The following SYNE2 variants were observed in gnomAD, a reference collection of about 807,000 sequenced individuals.
The protein encoded by SYNE2 is nesprin-2.
A neutral mutation model predicts 856.3 loss-of-function variants in SYNE2; 431 were observed. The ratio of observed to expected loss-of-function variants is 0.50; its 90% CI spans 0.47 to 0.55. The LOEUF is 0.55. Ranked by LOEUF, SYNE2 falls within the 20% of genes least tolerant of loss-of-function variation. SYNE2 has a pLI of 0.00. For missense variants in SYNE2, 8,129 were observed against 8,023.2 expected, an observed-to-expected ratio of 1.01 and a Z score of -0.50; for synonymous variants, 2,923 against 2,872.3, an observed-to-expected ratio of 1.02 and a Z score of -0.56.
At chr14:63,948,446 A>G (rs1291074094) in intron 6 of SYNE2, among the ~76,000 whole-genome samples, 1 of 151,688 alleles carries the variant, frequency 6.6e-6, no homozygotes, top group Non-Finnish European at 1.5e-5. Flanking sequence ...GGCAGATCAC[A>G]AGGTGAGGAG....
chr14:64,159,997 C>T lies in SYNE2; in HGVS notation c.16094+555C>T, dbSNP rs183373100. Among the ~76,000 whole-genome samples the T allele has an allele frequency of 7.9e-5, 12 of 152,200 alleles. No individual in the cohort carries two copies. In the East Asian group the frequency reaches 2.3e-3, roughly 29 times the overall value. On this transcript the variant is annotated intron_variant, in intron 87 of 115. Coordinates refer to ENST00000555002, the MANE Select transcript of SYNE2 (RefSeq NM_182914.3). ...TGGGATATAAAAGTTGGCCTCCAAC[C>T]AATTGATTAGAGATAGGGATGAAGA...
intron 1 of SYNE2, among the ~76,000 whole-genome samples, chr14:63,775,655 A>G (rs936758798): frequency 2.0e-5 from 3 of 152,096 alleles, no homozygotes; most frequent in African/African-American, 7.2e-5. Flanking sequence ...ACCACGGCTC[A>G]CTGCAGCCTC....
chr14:64,074,255 G>T (rs2097438425), intron 53 of SYNE2, 119 bp downstream of exon 53: 2 of 1,005,396 alleles, frequency 2.0e-6, no homozygotes, highest in Admixed American at 3.6e-5. Flanking sequence ...GGGAGAGAGA[G>T]AGAGGCATAG....
At chr14:64,146,417 C>A (rs2153697500) in intron 84 of SYNE2, among the ~76,000 whole-genome samples, 194 bp downstream of exon 84, 1 of 152,292 alleles carries the variant, frequency 6.6e-6, no homozygotes, top group Non-Finnish European at 1.5e-5. Context: ...TTATGATAAA[C>A]AGAAGAATGT....
chr14:64,149,347 T>C (rs1181117327), intron 84 of SYNE2, among the ~76,000 whole-genome samples: 3 of 151,990 alleles, frequency 2.0e-5, no homozygotes, highest in Non-Finnish European at 4.4e-5. Flanking sequence ...ATGAAAATGA[T>C]TGATGTATAC....
chr14:64,190,805 T>C, intron 99 of SYNE2: 1 of 665,794 alleles, frequency 1.5e-6, no homozygotes, highest in Non-Finnish European at 2.7e-6. Flanking sequence ...AAATCAAAGC[T>C]ATATTGGCCA....
Position 64,025,416 on chromosome 14 carries a change from A to C in SYNE2, c.6247A>C (p.Ile2083Leu), listed in dbSNP as rs200739844. Residue 2083 changes from isoleucine to leucine, a missense_variant, in exon 41 of 116, where the codon ATC becomes CTC. This residue lies in a region of SYNE2 where 297 missense variants were observed against 380.9 expected (regional missense o/e 0.78). Transcript: ENST00000555002. ...KMPLEERIQK[I>L]KEIILLKPEG... ...GCCACTTGAGGAAAGAATCCAAAAA[A>C]TCAAGGTATAACTATGGAAACTAAA... The C allele has an allele frequency of 5.6e-6, 9 of 1,611,806 alleles. No individual in the cohort carries two copies. The highest frequency in any genetic ancestry group is 6.8e-6 in the Non-Finnish European group (8 of 1,179,862).
chr14:63,917,463 A>G (rs1259568952), intron 2 of SYNE2, among the ~76,000 whole-genome samples: 1 of 152,112 alleles, frequency 6.6e-6, no homozygotes, highest in East Asian at 1.9e-4. Context: ...AAGCTTTATA[A>G]TCTTTTTATT....
At chr14:63,922,888 G>A (rs888077201) in intron 2 of SYNE2, among the ~76,000 whole-genome samples, 12 of 152,090 alleles carry the variant, frequency 7.9e-5, no homozygotes, top group Non-Finnish European at 1.5e-5. Flanking sequence ...ATTCCAAAAT[G>A]TAAGAACCCT....
intron 109 of SYNE2, 101 bp from the exon 110 acceptor site, chr14:64,219,107 T>TTTG (rs199841208): frequency 1.4e-3 from 908 of 653,300 alleles, no homozygotes; most frequent in African/African-American, 4.0e-3. Flanking sequence ...TTTTTTTGTT[T>TTTG]TTTTTTTTTT....
intron 84 of SYNE2, among the ~76,000 whole-genome samples, chr14:64,146,874 A>G (rs929591616): frequency 3.9e-5 from 6 of 152,236 alleles, no homozygotes; most frequent in Admixed American, 6.5e-5. Flanking sequence ...ACGGCCTTAC[A>G]ATAGTCACTG....
intron 106 of SYNE2, 73 bp downstream of exon 106, chr14:64,214,543 C>T: frequency 6.9e-7 from 1 of 1,442,940 alleles, no homozygotes; most frequent in Non-Finnish European, 9.4e-7. Flanking sequence ...GCAACACGGC[C>T]AGCTCTCAAT....
intron 111 of SYNE2, among the ~76,000 whole-genome samples, chr14:64,221,133 C>T (rs1206176201): frequency 6.6e-6 from 1 of 152,078 alleles, no homozygotes; most frequent in Non-Finnish European, 1.5e-5. Context: ...AATCCTAGCC[C>T]AGTACCTGAC....
At chr14:64,062,725 CT>C in intron 49 of SYNE2, 25 bp from the exon 50 acceptor site, 3 of 1,600,416 alleles carry the variant, frequency 1.9e-6, no homozygotes, top group East Asian at 4.5e-5. Context: ...TTTAATACCA[CT>C]TTTTTTCTAA....
chr14:64,203,039 T>G, intron 100 of SYNE2, 76 bp downstream of exon 100: 1 of 1,570,766 alleles, frequency 6.4e-7, no homozygotes, highest in Non-Finnish European at 8.7e-7. Flanking sequence ...TCCCCGTATA[T>G]CTATGTGTTT....
At chr14:63,926,263 T>C (rs79074641) in intron 2 of SYNE2, among the ~76,000 whole-genome samples, 2,540 of 150,050 alleles carry the variant, frequency 0.017, 64 homozygotes, top group African/African-American at 0.059. Context: ...GGCAATCAAT[T>C]AATCTACTTT....
chr14:63,862,249 A>T (rs151308233), intron 1 of SYNE2, among the ~76,000 whole-genome samples: 1 of 152,366 alleles, frequency 6.6e-6, no homozygotes, highest in East Asian at 1.9e-4. Flanking sequence ...ACACATGTAC[A>T]TATATTCGTA....
At chr14:64,119,851 A>C (rs1046655095) in intron 67 of SYNE2, among the ~76,000 whole-genome samples, 1 of 152,110 alleles carries the variant, frequency 6.6e-6, no homozygotes, top group Non-Finnish European at 1.5e-5. Context: ...TGTTGGTTTA[A>C]TGTAGCTGAG....
chr14:63,833,641 C>T (rs1259855509), intron 1 of SYNE2, among the ~76,000 whole-genome samples: 1 of 152,146 alleles, frequency 6.6e-6, no homozygotes, highest in Non-Finnish European at 1.5e-5. Flanking sequence ...GTCTAGATTC[C>T]CAATTCTGTT....
Sources: allele counts gnomAD v4.1 joint callset (sites outside exome capture counted in the v4.1 genomes callset), GRCh38; gene constraint gnomAD v4.1.1; regional missense constraint gnomAD v4.1.1; transcripts MANE v1.5; gene names NCBI Gene and HGNC (gene_info 2026-07-23, HGNC 2026-07-21).